Variants in NAT9 observed in about 807,000 individuals in gnomAD.
NAT9 encodes N-acetyltransferase 9, also known as alpha/beta-tubulin-N-acetyltransferase 9.
A neutral mutation model predicts 24.0 loss-of-function variants in NAT9; 18 were observed. That is an observed-to-expected ratio of 0.75 (90% confidence interval 0.52 to 1.11). The LOEUF (loss-of-function observed/expected upper bound fraction) is 1.11, where lower values mean the gene tolerates loss of function less well. Among genes scored for constraint, NAT9 ranks in the 50% most tolerant of loss-of-function variants. The pLI, the probability that NAT9 is intolerant of heterozygous loss-of-function variation, is 0.00. For missense variants in NAT9, 254 were observed against 258.6 expected, an observed-to-expected ratio of 0.98 and a Z score of 0.12; for synonymous variants, 104 against 102.3, an observed-to-expected ratio of 1.02 and a Z score of -0.10.
At chr17:74,772,532 G>T in intron 4 of NAT9, 1 of 1,410,144 alleles carries the variant, frequency 7.1e-7, no homozygotes, top group Admixed American at 3.1e-5. Flanking sequence ...AGCCACTTGG[G>T]GGAAACTGAG....
rs746952438 is a variant in NAT9, at chr17:74,775,640, G to A, written c.59C>T (p.Thr20Ile). Residue 20 changes from threonine (T) to isoleucine (I), a missense_variant, in exon 2 of 7, where the codon ACC (threonine) becomes ATC (isoleucine). By Grantham distance (89) the Thr-to-Ile change is moderately conservative. Coordinates refer to ENST00000357814, the MANE Select transcript of NAT9 (RefSeq NM_015654.5). Reference protein sequence around the residue: ...LGKKVVLVPYTSEHVPSRYHE... With the variant: ...LGKKVVLVPYISEHVPSRYHE... ...AAGATACCTGGGCACATGCTCCGAGGTGTAGGGTACAAGGACCACCTTCTT... is the reference window on the plus strand; with the variant it reads ...AAGATACCTGGGCACATGCTCCGAGATGTAGGGTACAAGGACCACCTTCTT... 111 of 1,613,924 alleles carry A rather than the reference G, an allele frequency of 6.9e-5. No homozygotes were observed. The highest frequency in any genetic ancestry group is 9.0e-5 in the Non-Finnish European group (106 of 1,179,924).
In NAT9 at chr17:74,773,619, C is replaced by T; in HGVS notation, c.147G>A (p.Glu49=). ...RLTASEPLTL[E]QEYAMQCSWQ... ...AGCTGCACTGCATGGCATACTCCTG[C>T]TCCAGGGTCAGCGGCTCCGAGGCTG... Residue 49 remains glutamate, a synonymous_variant, in exon 3 of 7, where the codon GAG becomes GAA. Transcript: ENST00000357814. The T allele has an allele frequency of 6.2e-7, 1 of 1,614,160 alleles. No individual in the cohort carries two copies. The highest frequency in any genetic ancestry group is 8.5e-7 in the Non-Finnish European group (1 of 1,180,026).
At chr17:74,773,824 C>A in intron 2 of NAT9, 136 bp from the exon 3 acceptor site, 1 of 674,192 alleles carries the variant, frequency 1.5e-6, no homozygotes, top group East Asian at 2.8e-5. Context: ...GCTCCTAAGG[C>A]AGGGGCCACA....
Position 74,772,010 on chromosome 17 carries a change from G to A in NAT9, c.439C>T (p.Gln147Ter). ...GLTKFEAKIG[Q>*]GNEPSIRMFQ... ...ATCCGGATGCTTGGTTCATTTCCTTGCCCAATTTTAGCCTCAAACTTGGTC... is the reference window on the plus strand; with the variant it reads ...ATCCGGATGCTTGGTTCATTTCCTTACCCAATTTTAGCCTCAAACTTGGTC... The change falls in exon 6 of 7, where the codon CAA (glutamine) becomes TAA (stop). Residue 147 changes from glutamine to a stop codon, truncating the protein, a stop_gained. Coordinates refer to ENST00000357814, the MANE Select transcript of NAT9 (RefSeq NM_015654.5). LOFTEE classifies it high-confidence loss of function. 1 of 1,614,180 alleles carries A rather than the reference G, an allele frequency of 6.2e-7. No individual in the cohort carries two copies. The highest frequency in any genetic ancestry group is 8.5e-7 in the Non-Finnish European group (1 of 1,180,032).
chr17:74,775,574 C>T (rs369765973), intron 2 of NAT9, 48 bp downstream of exon 2: 3 of 1,520,610 alleles, frequency 2.0e-6, no homozygotes, highest in African/African-American at 2.7e-5. Flanking sequence ...CTGTACCTTA[C>T]ACAGCTCTGG....
Position 74,772,256 on chromosome 17 carries a change from C to G in NAT9, c.356G>C (p.Gly119Ala), listed in dbSNP as rs762331364. The G allele has an allele frequency of 2.2e-5, 36 of 1,614,046 alleles. No homozygotes were observed. In the South Asian group the frequency reaches 3.7e-4, roughly 17 times the overall value. Residue 119 changes from glycine to alanine, a missense_variant, in exon 5 of 7, where the codon GGC becomes GCC. Coordinates refer to ENST00000357814, the MANE Select transcript of NAT9 (RefSeq NM_015654.5). ...MIAEPSCRGKGLGTEAVLAML... is the reference protein window; with the variant it reads ...MIAEPSCRGKALGTEAVLAML... The stretch of plus-strand genomic sequence containing the variant: ...CGCGAGAACGGCCTCAGTGCCAAGG[C>G]CCTTACCCCTGCAGCTGGGCTCTAG...
Position 74,775,494 on chromosome 17 carries a change from T to C in NAT9, c.77+128A>G, listed in dbSNP as rs1406807205. 1.4e-5 allele frequency: 11 copies of C among 774,308 alleles called. No individual in the cohort carries two copies. In the East Asian group the frequency reaches 2.7e-4, roughly 19 times the overall value. 48.0% of individuals were successfully genotyped at this position (774,308 alleles called of 1,614,324 possible). A position where few individuals can be genotyped will look rare whatever the true frequency, so the allele number is the denominator to read the frequency against. On this transcript the variant is annotated intron_variant, in intron 2 of 6. Coordinates refer to ENST00000357814, the MANE Select transcript of NAT9 (RefSeq NM_015654.5). ...GTGAGCCACGGCACCCAGCCTTTTT[T>C]CCCCCCTCATATATAATTATTTCTC...
chr17:74,772,869 C>G, intron 4 of NAT9, 27 bp downstream of exon 4: 1 of 1,612,882 alleles, frequency 6.2e-7, no homozygotes, highest in South Asian at 1.1e-5. Flanking sequence ...CGGGAGTCAG[C>G]GGAAGGCAGG....
intron 3 of NAT9, 166 bp from the exon 4 acceptor site, chr17:74,773,205 G>A: frequency 1.2e-6 from 1 of 858,258 alleles, no homozygotes; most frequent in Non-Finnish European, 1.7e-6. Context: ...TTCCAAATCT[G>A]CCTCATACAG....
intron 2 of NAT9, 93 bp downstream of exon 2, chr17:74,775,529 G>A: frequency 9.1e-7 from 1 of 1,095,494 alleles, no homozygotes; most frequent in South Asian, 1.6e-5. Context: ...CACAACCAAT[G>A]TTTCTTCTTA....
rs2035491778 is a variant in NAT9, at chr17:74,773,289, C to T, written c.191-250G>A. 6 of 595,950 alleles carry T rather than the reference C, an allele frequency of 1.0e-5. No homozygotes were observed. The East Asian group carries it at 1.4e-4, about 14-fold the overall frequency. The allele number at this position is 595,950 out of a possible 1,614,324, so 36.9% of individuals were successfully genotyped here. A position where few individuals can be genotyped will look rare whatever the true frequency, so the allele number is the denominator to read the frequency against. On this transcript the variant is annotated intron_variant, in intron 3 of 6. Coordinates refer to ENST00000357814, the MANE Select transcript of NAT9 (RefSeq NM_015654.5). ...AGAGGAGGGCAGTCACCACACTAGGCTGTGGTGAGGGACATGAGGGGCAGG... is the reference window on the plus strand; with the variant it reads ...AGAGGAGGGCAGTCACCACACTAGGTTGTGGTGAGGGACATGAGGGGCAGG...
chr17:74,773,795 G>A, intron 2 of NAT9, 107 bp from the exon 3 acceptor site: 1 of 911,578 alleles, frequency 1.1e-6, no homozygotes, highest in Non-Finnish European at 1.8e-6. Context: ...GCTCAAAGAA[G>A]ACCCAAAGGG....
chr17:74,772,104 C>T (rs200049081), intron 5 of NAT9, 50 bp from the exon 6 acceptor site: 41 of 1,613,898 alleles, frequency 2.5e-5, no homozygotes, highest in Non-Finnish European at 3.3e-5. Context: ...CTGCCCCCAC[C>T]CTCCTGTCCC....
chr17:74,772,251 C>A lies in NAT9; in HGVS notation c.361G>T (p.Gly121Cys), dbSNP rs1010260851. ...AGCATCGCGAGAACGGCCTCAGTGC[C>A]AAGGCCCTTACCCCTGCAGCTGGGC... ...AEPSCRGKGL[G>C]TEAVLAMLSY... is the part of the protein sequence containing the mutation. The change falls in exon 5 of 7, where the codon GGC (glycine) becomes TGC (cysteine). Residue 121 changes from glycine (G) to cysteine (C), a missense_variant. By Grantham distance (159) the Gly-to-Cys change is radical (BLOSUM62 -3). Coordinates refer to ENST00000357814, the MANE Select transcript of NAT9 (RefSeq NM_015654.5). 2 of 1,614,080 alleles carry A rather than the reference C, an allele frequency of 1.2e-6. No individual in the cohort carries two copies. The highest frequency in any genetic ancestry group is 2.7e-5 in the African/African-American group (2 of 74,952).
intron 3 of NAT9, 30 bp downstream of exon 3, chr17:74,773,546 G>T: frequency 6.3e-7 from 1 of 1,584,718 alleles, no homozygotes; most frequent in African/African-American, 1.3e-5. Flanking sequence ...CCAGTACCAG[G>T]GCTAGGGGAA....
rs539265955 is a variant in NAT9 at position 74,771,030 on chromosome 17, T to C, written c.*694A>G. ...GCACCCCCAAGGGGCCTCTGCTTCC[T>C]CAGTGCCCCCTGAGCTTTATCAGCA... On this transcript the variant is annotated 3_prime_UTR_variant, in exon 7 of 7. Coordinates refer to ENST00000357814, the MANE Select transcript of NAT9 (RefSeq NM_015654.5). 6.5e-6 allele frequency: 1 copy of C among 153,078 alleles called. No individual in the cohort carries two copies. Among genetic ancestry groups the C allele is most frequent in the Non-Finnish European group, 1.5e-5 (1 of 68,612 alleles). The allele number at this position is 153,078 out of a possible 1,614,324, so 9.5% of individuals were successfully genotyped here.
chr17:74,772,000 T>G lies in NAT9; in HGVS notation c.449A>C (p.Glu150Ala). 1 of 1,614,246 alleles carries G rather than the reference T, an allele frequency of 6.2e-7. No homozygotes were observed. The highest frequency in any genetic ancestry group is 1.3e-5 in the African/African-American group (1 of 75,068). Residue 150 changes from glutamate to alanine, a missense_variant, in exon 6 of 7, where the codon GAA becomes GCA. Coordinates refer to ENST00000357814, the MANE Select transcript of NAT9 (RefSeq NM_015654.5). ...TTTCTGGAACATCCGGATGCTTGGTTCATTTCCTTGCCCAATTTTAGCCTC... is the reference window on the plus strand; with the variant it reads ...TTTCTGGAACATCCGGATGCTTGGTGCATTTCCTTGCCCAATTTTAGCCTC... Reference protein sequence around the residue: ...KFEAKIGQGNEPSIRMFQKLH... With the variant: ...KFEAKIGQGNAPSIRMFQKLH...
chr17:74,774,331 A>T (rs1027065802), intron 2 of NAT9, among the ~76,000 whole-genome samples: 1 of 152,116 alleles, frequency 6.6e-6, no homozygotes, highest in Non-Finnish European at 1.5e-5. Context: ...TTCCTTGCTG[A>T]AAGGCCAAAA....
chr17:74,775,561 G>C, intron 2 of NAT9, 61 bp downstream of exon 2: 2 of 1,416,204 alleles, frequency 1.4e-6, no homozygotes, highest in Non-Finnish European at 2.0e-6. Context: ...CCTGAGACTG[G>C]GGCTGTACCT....
Sources: gnomAD v4.1 joint callset for allele counts (sites outside exome capture counted in the v4.1 genomes callset) on GRCh38, gnomAD v4.1.1 for gene constraint, MANE v1.5 for transcripts, NCBI Gene and HGNC (gene_info 2026-07-23, HGNC 2026-07-21) for gene names.